Variants in DLG2 observed in about 807,000 individuals in gnomAD.
The protein encoded by DLG2 is disks large homolog 2.
Under a neutral mutation model 132.5 loss-of-function variants are expected in DLG2, and 45 were observed. That is an observed-to-expected ratio of 0.34 (90% CI 0.27 to 0.44). The LOEUF is 0.44. Among genes scored for constraint, DLG2 ranks in the 20% least tolerant of loss-of-function variants. The probability of loss-of-function intolerance (pLI) is 1.00; values close to 1 mark genes in which losing one functional copy is unlikely to be tolerated. For missense variants in DLG2, 1,045 were observed against 1,196.9 expected (o/e 0.87, Z 1.87); for synonymous variants, 424 against 419.6 (o/e 1.01, Z -0.13).
chr11:83,510,276 G>A (rs1000430936), intron 21 of DLG2, among the ~76,000 whole-genome samples: 2 of 145,180 alleles, frequency 1.4e-5, no homozygotes, highest in Admixed American at 1.4e-4. Context: ...CCCCTTGGAT[G>A]TTGACTCAGT....
At chr11:84,325,799 T>C (rs1186848320) in intron 7 of DLG2, among the ~76,000 whole-genome samples, 1 of 152,212 alleles carries the variant, frequency 6.6e-6, no homozygotes, top group Non-Finnish European at 1.5e-5. Context: ...CTTCAATATT[T>C]TGGAAGAGTT....
chr11:84,624,487 G>A (rs1398081334), intron 6 of DLG2, among the ~76,000 whole-genome samples: 1 of 151,942 alleles, frequency 6.6e-6, no homozygotes, highest in Non-Finnish European at 1.5e-5. Flanking sequence ...TAGAACAATG[G>A]TCAGAATGAC....
chr11:84,468,121 G>A (rs1229371338), intron 7 of DLG2, among the ~76,000 whole-genome samples: 4 of 151,542 alleles, frequency 2.6e-5, no homozygotes, highest in Admixed American at 6.6e-5. Context: ...ACCTGATGGT[G>A]AGCAGATTCT....
chr11:84,795,741 A>G (rs542724025), intron 6 of DLG2, among the ~76,000 whole-genome samples: 4 of 152,198 alleles, frequency 2.6e-5, no homozygotes, highest in African/African-American at 7.2e-5. Context: ...CTGGATGTAG[A>G]CGCTTCCGGA....
chr11:84,210,531 T>TAAA (rs34149459), intron 8 of DLG2, among the ~76,000 whole-genome samples: 5 of 50,610 alleles, frequency 9.9e-5, no homozygotes, highest in Admixed American at 2.0e-4. Flanking sequence ...AAACTTAAAT[T>TAAA]AAAAAAAAAA....
At chr11:85,349,642 A>G (rs762166686) in intron 3 of DLG2, among the ~76,000 whole-genome samples, 36 of 152,030 alleles carry the variant, frequency 2.4e-4, no homozygotes, top group Non-Finnish European at 4.6e-4. Context: ...ATTCCCACCT[A>G]TAAGTGATAA....
chr11:84,141,064 T>TTAGAATC (rs2094822802), intron 9 of DLG2, among the ~76,000 whole-genome samples: 1 of 152,172 alleles, frequency 6.6e-6, no homozygotes, highest in Admixed American at 6.6e-5. Flanking sequence ...TGTAGAGTGA[T>TTAGAATC]TAGAATATAA....
intron 4 of DLG2, among the ~76,000 whole-genome samples, chr11:85,248,680 C>G (rs576865286): frequency 6.6e-6 from 1 of 152,124 alleles, no homozygotes; most frequent in African/African-American, 2.4e-5. Flanking sequence ...AACAGGCAAT[C>G]TCCAGCAAGG....
At chr11:84,291,122 C>A (rs1413183059) in intron 7 of DLG2, among the ~76,000 whole-genome samples, 4 of 152,080 alleles carry the variant, frequency 2.6e-5, no homozygotes, top group Non-Finnish European at 4.4e-5. Context: ...CTAGGAATCT[C>A]ATAACTTTTT....
In DLG2 at chr11:84,650,542, T is replaced by C. The variant is rs79004566; in HGVS notation, c.358-115811A>G. ...AGAATAGTGAGAAGGTAGGAGAATC[T>C]TGTTTATTTTGTTTACACTGATGAA... is the stretch of plus-strand genomic sequence containing the variant. On this transcript the variant is annotated intron_variant, in intron 6 of 27. Transcript: ENST00000376104. Among the ~76,000 whole-genome samples the C allele has an allele frequency of 8.5e-3, 1,292 of 152,184 alleles. 12 individuals are homozygous for C. Among genetic ancestry groups the C allele is most frequent in the Middle Eastern group, 0.031 (9 of 294 alleles).
chr11:84,178,102 A>T (rs2096018348), intron 8 of DLG2, among the ~76,000 whole-genome samples: 2 of 152,098 alleles, frequency 1.3e-5, no homozygotes, highest in East Asian at 3.9e-4. Flanking sequence ...ACCCCACAAA[A>T]TTCTGTGGGT....
chr11:85,535,284 T>C (rs908035273), intron 3 of DLG2, among the ~76,000 whole-genome samples: 5 of 152,226 alleles, frequency 3.3e-5, no homozygotes, highest in African/African-American at 9.6e-5. Context: ...ACATTGTAGG[T>C]ATTATAAATA....
At chr11:85,422,721 C>T (rs1246692660) in intron 3 of DLG2, among the ~76,000 whole-genome samples, 1 of 152,074 alleles carries the variant, frequency 6.6e-6, no homozygotes, top group Non-Finnish European at 1.5e-5. Flanking sequence ...AAACCCCTGA[C>T]CTCAAGTGAT....
intron 3 of DLG2, among the ~76,000 whole-genome samples, chr11:85,529,628 A>G (rs544362513): frequency 1.3e-5 from 2 of 152,260 alleles, no homozygotes; most frequent in African/African-American, 4.8e-5. Context: ...TACACTTTAC[A>G]ATTTTAATGA....
At chr11:84,193,936 C>A (rs1367583402) in intron 8 of DLG2, among the ~76,000 whole-genome samples, 1 of 152,144 alleles carries the variant, frequency 6.6e-6, no homozygotes, top group Non-Finnish European at 1.5e-5. Flanking sequence ...ATCATCAACA[C>A]ATAGAGGACT....
intron 6 of DLG2, among the ~76,000 whole-genome samples, chr11:84,953,975 A>G (rs1415763794): frequency 6.6e-6 from 1 of 152,004 alleles, no homozygotes; most frequent in Non-Finnish European, 1.5e-5. Context: ...TCCCTCTTCC[A>G]TGAACACCAT....
At chr11:85,393,554 A>G (rs1376090650) in intron 3 of DLG2, among the ~76,000 whole-genome samples, 1 of 151,984 alleles carries the variant, frequency 6.6e-6, no homozygotes, top group Admixed American at 6.6e-5. Context: ...ATTGCAAAAA[A>G]TGGACCAGCC....
At chr11:83,716,183 T>G (rs924884753) in intron 18 of DLG2, among the ~76,000 whole-genome samples, 1 of 152,234 alleles carries the variant, frequency 6.6e-6, no homozygotes, top group South Asian at 2.1e-4. Context: ...CGTGTTTTTT[T>G]GTTTGTTTTT....
chr11:85,145,483 T>C (rs914290044), intron 5 of DLG2, among the ~76,000 whole-genome samples: 1 of 152,136 alleles, frequency 6.6e-6, no homozygotes, highest in African/African-American at 2.4e-5. Flanking sequence ...GAGACTGTTT[T>C]CTAGATCTCA....
Sources: gnomAD v4.1 joint callset for allele counts (sites outside exome capture counted in the v4.1 genomes callset) on GRCh38, gnomAD v4.1.1 for gene constraint, MANE v1.5 for transcripts, NCBI Gene and HGNC (gene_info 2026-07-23, HGNC 2026-07-21) for gene names.